Variants in SLC39A11 observed in about 807,000 individuals in gnomAD.
SLC39A11 encodes the protein zinc transporter ZIP11.
SLC39A11 carries 33 observed loss-of-function variants against 36.1 expected under a neutral mutation model. The observed-to-expected ratio is 0.91, with a 90% CI of 0.69 to 1.22. The LOEUF is 1.22. SLC39A11 is among the 50% of genes most tolerant of loss of function. The pLI, the probability that SLC39A11 is intolerant of heterozygous loss-of-function variation, is 0.00. For missense variants in SLC39A11, 432 were observed against 430.3 expected (o/e 1.00, Z -0.03); for synonymous variants, 166 against 170.3 (o/e 0.97, Z 0.20).
chr17:72,746,670 G>A (rs573747073), intron 6 of SLC39A11, among the ~76,000 whole-genome samples: 8 of 152,170 alleles, frequency 5.3e-5, no homozygotes, highest in Admixed American at 1.3e-4. Context: ...CCCAGGAGGC[G>A]GAGCTTGCAG....
intron 6 of SLC39A11, among the ~76,000 whole-genome samples, chr17:72,841,832 C>A (rs901745542): frequency 6.6e-6 from 1 of 151,558 alleles, no homozygotes; most frequent in Non-Finnish European, 1.5e-5. Flanking sequence ...GAGGCTAAGG[C>A]GGGAGAATCT....
intron 6 of SLC39A11, among the ~76,000 whole-genome samples, chr17:72,755,577 A>T (rs1168041389): frequency 3.3e-5 from 5 of 152,270 alleles, no homozygotes; most frequent in Non-Finnish European, 7.3e-5. Context: ...ACACTTGGTA[A>T]ATTTAAAGTC....
chr17:72,996,557 G>C (rs113704210), intron 4 of SLC39A11, among the ~76,000 whole-genome samples: 1 of 152,064 alleles, frequency 6.6e-6, no homozygotes, highest in African/African-American at 2.4e-5. Context: ...TCCTTGGCTC[G>C]TGGCAGCGTT....
intron 6 of SLC39A11, among the ~76,000 whole-genome samples, chr17:72,842,700 C>T (rs2078872516): frequency 6.6e-6 from 1 of 152,200 alleles, no homozygotes; most frequent in African/African-American, 2.4e-5. Context: ...GTTGTTTCCT[C>T]AGGGTGTCCT....
chr17:72,850,233 G>A (rs757272420), intron 5 of SLC39A11, among the ~76,000 whole-genome samples: 1 of 152,096 alleles, frequency 6.6e-6, no homozygotes, highest in African/African-American at 2.4e-5. Flanking sequence ...CAGATGGCTT[G>A]AGCCCAGGAG....
intron 4 of SLC39A11, among the ~76,000 whole-genome samples, chr17:73,029,224 TACCGCCC>T (rs1455331609): frequency 6.6e-6 from 1 of 151,890 alleles, no homozygotes; most frequent in East Asian, 1.9e-4. Context: ...ATACATCTGA[TACCGCCC>T]CACCACCCCT....
At chr17:72,825,137 G>A (rs2077963145) in intron 6 of SLC39A11, among the ~76,000 whole-genome samples, 1 of 141,554 alleles carries the variant, frequency 7.1e-6, no homozygotes, top group African/African-American at 2.5e-5. Context: ...TGGAGGCCTA[G>A]GAGGGAAGAA....
At chr17:72,703,861 C>T (rs773828606) in intron 7 of SLC39A11, among the ~76,000 whole-genome samples, 6 of 152,260 alleles carry the variant, frequency 3.9e-5, no homozygotes, top group Non-Finnish European at 8.8e-5. Context: ...GGGGTGGTGG[C>T]TCATGCCTGT....
intron 6 of SLC39A11, among the ~76,000 whole-genome samples, chr17:72,831,256 T>C (rs2078273985): frequency 6.6e-6 from 1 of 152,022 alleles, no homozygotes; most frequent in Non-Finnish European, 1.5e-5. Flanking sequence ...GCTCTGAACT[T>C]TAATAAGAGG....
rs1025427996 is a variant in SLC39A11 at position 72,970,640 on chromosome 17, CG to C, written c.307-22766del. On this transcript the variant is annotated intron_variant, in intron 4 of 9. Transcript: ENST00000255559. ...GAGAATTAAGTCAGCTGTAATGCAC[CG>C]GGAATTGCCCAGAAGACTGTCATTT... Among the ~76,000 whole-genome samples, 4 of 152,246 alleles carry C rather than the reference CG, an allele frequency of 2.6e-5. No individual in the cohort carries two copies. The East Asian group carries it at 7.7e-4, about 29-fold the overall frequency.
chr17:73,064,742 A>G (rs1236030543), intron 3 of SLC39A11, among the ~76,000 whole-genome samples: 1 of 152,158 alleles, frequency 6.6e-6, no homozygotes, highest in Non-Finnish European at 1.5e-5. Flanking sequence ...TGAGGCCAAG[A>G]AAACTCCTTG....
At chr17:72,967,391 A>AGC (rs2087075517) in intron 4 of SLC39A11, among the ~76,000 whole-genome samples, 1 of 144,550 alleles carries the variant, frequency 6.9e-6, no homozygotes, top group South Asian at 2.2e-4. Context: ...AGAGAGAGAG[A>AGC]GAGAGAGAGT....
chr17:72,756,391 T>C lies in SLC39A11; in HGVS notation c.602-19672A>G, dbSNP rs572927579. 7.2e-5 allele frequency among the ~76,000 whole-genome samples: 11 copies of C among 152,350 alleles called. No individual in the cohort carries two copies. The South Asian group carries it at 2.1e-3, about 29-fold the overall frequency. On this transcript the variant is annotated intron_variant, in intron 6 of 9. Coordinates refer to ENST00000255559, the MANE Select transcript of SLC39A11 (RefSeq NM_139177.4). ...AACCTGGAAGCAACCCAAGTGTTTATGGATGGATCAACAGATAAGCAAAAT... is the reference window on the plus strand; with the variant it reads ...AACCTGGAAGCAACCCAAGTGTTTACGGATGGATCAACAGATAAGCAAAAT...
chr17:72,690,721 G>A (rs1466448473), intron 7 of SLC39A11, among the ~76,000 whole-genome samples: 1 of 152,160 alleles, frequency 6.6e-6, no homozygotes, highest in African/African-American at 2.4e-5. Context: ...CTGTGGTGGT[G>A]GGATGGAAGG....
rs1179984945 is a variant in SLC39A11, at chr17:72,658,386, TC to T, written c.672-9119del. Among the ~76,000 whole-genome samples, 6 of 152,244 alleles carry T rather than the reference TC, an allele frequency of 3.9e-5. 1 individual carries two copies. The highest frequency in any genetic ancestry group is 1.4e-4 in the African/African-American group (6 of 41,552). ...ATCCGGGTGCTAGGTAAGAAGGGCC[TC>T]CCTCCTCGTATCTTCAGGGAACACT... On this transcript the variant is annotated intron_variant, in intron 7 of 9. Transcript: ENST00000255559.
At chr17:72,866,884 T>C (rs933572619) in intron 5 of SLC39A11, among the ~76,000 whole-genome samples, 1 of 152,174 alleles carries the variant, frequency 6.6e-6, no homozygotes, top group African/African-American at 2.4e-5. Flanking sequence ...TCACAGATCC[T>C]AAAATCCCCC....
chr17:73,084,936 C>T, intron 2 of SLC39A11, 90 bp from the exon 3 acceptor site: 1 of 1,410,892 alleles, frequency 7.1e-7, no homozygotes. Context: ...CCAAAAGAGC[C>T]ACGCAAATAA....
intron 6 of SLC39A11, among the ~76,000 whole-genome samples, chr17:72,788,966 TG>T (rs1245129431): frequency 2.0e-5 from 3 of 152,228 alleles, no homozygotes; most frequent in Non-Finnish European, 2.9e-5. Flanking sequence ...ATGAATGTTA[TG>T]TTATGACCCT....
chr17:73,047,111 A>G (rs948737684), intron 3 of SLC39A11, among the ~76,000 whole-genome samples: 3 of 145,362 alleles, frequency 2.1e-5, no homozygotes, highest in African/African-American at 7.8e-5. Context: ...TGCAGGCTCC[A>G]CCTCCCAGGT....
Sources: allele counts gnomAD v4.1 joint callset (sites outside exome capture counted in the v4.1 genomes callset), GRCh38; gene constraint gnomAD v4.1.1; transcripts MANE v1.5; gene names NCBI Gene and HGNC (gene_info 2026-07-23, HGNC 2026-07-21).